Variants in NFIX observed in about 807,000 individuals in gnomAD.
NFIX encodes the protein nuclear factor 1 X-type.
In NFIX, 2 loss-of-function variants were observed where a neutral mutation model predicts 53.3. That is an observed-to-expected ratio of 0.04 (90% CI 0.02 to 0.12). The LOEUF is 0.12. Among genes scored for constraint, NFIX ranks in the 10% least tolerant of loss-of-function variants. NFIX has a pLI of 1.00. For missense variants in NFIX, 310 were observed against 674.5 expected (o/e 0.46, Z 5.99); for synonymous variants, 244 against 289.0 (o/e 0.84, Z 1.58).
chr19:13,081,312 A>G lies in NFIX; in HGVS notation c.1079-368A>G, dbSNP rs2017450037. 6.6e-6 allele frequency among the ~76,000 whole-genome samples: 1 copy of G among 152,114 alleles called. No homozygotes were observed. The highest frequency in any genetic ancestry group is 2.4e-5 in the African/African-American group (1 of 41,418). Reference sequence around the variant, plus strand: ...GAGCGAGACCCTGTCTCAAATAATAATAATAACACTTTTTTAAAAAGCCAA... The same window carrying G: ...GAGCGAGACCCTGTCTCAAATAATAGTAATAACACTTTTTTAAAAAGCCAA... On this transcript the variant is annotated intron_variant, in intron 7 of 10. Coordinates refer to ENST00000592199, the MANE Select transcript of NFIX (RefSeq NM_001365902.3). The surrounding 1 kb of genome is among the most constrained non-coding windows in gnomAD (Gnocchi z 4.7).
At chr19:13,079,239 C>T (rs1181122349) in intron 7 of NFIX, among the ~76,000 whole-genome samples, 1 of 152,152 alleles carries the variant, frequency 6.6e-6, no homozygotes, top group Admixed American at 6.5e-5. Context: ...GCTACCTTGT[C>T]TGGGCCTCCC....
chr19:13,074,217 C>T (rs1315908086), intron 5 of NFIX, among the ~76,000 whole-genome samples, 191 bp downstream of exon 5: 1 of 152,208 alleles, frequency 6.6e-6, no homozygotes, highest in African/African-American at 2.4e-5. Context: ...TTTGTGCTGT[C>T]ATGAAGGACC....
Position 13,088,455 on chromosome 19 carries a change from AGGCACAGCCATGC to A in NFIX, c.1402+320_1402+332del, listed in dbSNP as rs2017928823. On this transcript the variant is annotated intron_variant, in intron 9 of 10. Transcript: ENST00000592199. The surrounding 1 kb of genome is among the most constrained non-coding windows in gnomAD (Gnocchi z 5.9). ...CTGGCGGGGGTGGGAGGGGGCGGGGAGGCACAGCCATGCCATCTTCATGCCTGATTGCTGTTTT... is the reference window on the plus strand; with the variant it reads ...CTGGCGGGGGTGGGAGGGGGCGGGGACATCTTCATGCCTGATTGCTGTTTT... Among the ~76,000 whole-genome samples the A allele has an allele frequency of 6.8e-6, 1 of 147,036 alleles. No individual in the cohort carries two copies. Among genetic ancestry groups the A allele is most frequent in the Non-Finnish European group, 1.5e-5 (1 of 67,068 alleles).
chr19:13,042,555 G>A (rs1020382852), intron 2 of NFIX, among the ~76,000 whole-genome samples: 4 of 151,528 alleles, frequency 2.6e-5, no homozygotes, highest in African/African-American at 9.7e-5. Context: ...ACGGGATTTC[G>A]CCATGTTGGC....
chr19:13,030,214 T>C (rs1005056168), intron 2 of NFIX, among the ~76,000 whole-genome samples: 1 of 152,218 alleles, frequency 6.6e-6, no homozygotes, highest in African/African-American at 2.4e-5. Context: ...CAGATTATCT[T>C]TTAACCCAAT....
intron 1 of NFIX, among the ~76,000 whole-genome samples, chr19:12,999,420 C>G (rs560262776): frequency 1.3e-4 from 20 of 152,144 alleles, no homozygotes; most frequent in African/African-American, 4.8e-4. Flanking sequence ...GATCCACCTG[C>G]CTCGGCCTCC....
At chr19:13,015,688 C>A (rs756133650) in intron 1 of NFIX, among the ~76,000 whole-genome samples, 1 of 152,186 alleles carries the variant, frequency 6.6e-6, no homozygotes, top group African/African-American at 2.4e-5. Context: ...TTCAGCTCGG[C>A]GGGTCCTGTT....
chr19:13,022,110 G>A lies in NFIX; in HGVS notation c.28-2911G>A, dbSNP rs895185203. Among the ~76,000 whole-genome samples, 8 of 152,152 alleles carry A rather than the reference G, an allele frequency of 5.3e-5. No homozygotes were observed. The highest frequency in any genetic ancestry group is 1.9e-4 in the African/African-American group (8 of 41,432). On this transcript the variant is annotated intron_variant, in intron 1 of 10. Coordinates refer to ENST00000592199, the MANE Select transcript of NFIX (RefSeq NM_001365902.3). This position sits in a 1 kb window ranked among gnomAD's most constrained non-coding sequence, Gnocchi z 4.5. ...GTGAGGGGCGTTGGTCAGATTCCTT[G>A]CCTCTGCTCAGAGGTAGTGTCCATC...
In NFIX at chr19:13,009,560, G is replaced by A. The variant is rs1013028139; in HGVS notation, c.27+13696G>A. ...GGCTCCTCCTTCTGGCCTTCCCATG[G>A]GAATTCCCTTCCTATTCCCCAGTTC... is the stretch of plus-strand genomic sequence containing the variant. On this transcript the variant is annotated intron_variant, in intron 1 of 10. Transcript: ENST00000592199. This position sits in a 1 kb window ranked among gnomAD's most constrained non-coding sequence, Gnocchi z 4.7. 1.3e-5 allele frequency among the ~76,000 whole-genome samples: 2 copies of A among 152,186 alleles called. No homozygotes were observed. The highest frequency in any genetic ancestry group is 4.8e-5 in the African/African-American group (2 of 41,432).
At chr19:13,084,253 T>A (rs1239582487) in intron 8 of NFIX, among the ~76,000 whole-genome samples, 1 of 152,102 alleles carries the variant, frequency 6.6e-6, no homozygotes, top group Admixed American at 6.5e-5. Context: ...GAGACCAGCC[T>A]GGGCAACACG....
chr19:13,063,092 G>A (rs2016189819), intron 2 of NFIX, among the ~76,000 whole-genome samples: 1 of 152,204 alleles, frequency 6.6e-6, no homozygotes, highest in African/African-American at 2.4e-5. Flanking sequence ...AGGGGGCAGA[G>A]AGAGGTGGTG....
chr19:13,005,407 C>T lies in NFIX; in HGVS notation c.27+9543C>T, dbSNP rs1207222904. On this transcript the variant is annotated intron_variant, in intron 1 of 10. Transcript: ENST00000592199. This position sits in a 1 kb window ranked among gnomAD's most constrained non-coding sequence, Gnocchi z 4.7. ...AGGAGAGTGGGGCCTGCAGAGCCAGCTTCCTGGGTTTGACTCCTGGCTCTG... is the reference window on the plus strand; with the variant it reads ...AGGAGAGTGGGGCCTGCAGAGCCAGTTTCCTGGGTTTGACTCCTGGCTCTG... Among the ~76,000 whole-genome samples, 1 of 152,200 alleles carries T rather than the reference C, an allele frequency of 6.6e-6. No homozygotes were observed. The highest frequency in any genetic ancestry group is 1.5e-5 in the Non-Finnish European group (1 of 68,038).
At chr19:13,044,311 G>A (rs980794856) in intron 2 of NFIX, among the ~76,000 whole-genome samples, 8 of 152,222 alleles carry the variant, frequency 5.3e-5, no homozygotes, top group African/African-American at 1.2e-4. Flanking sequence ...TTGTGGCCAC[G>A]CAGTCGTGGG....
intron 2 of NFIX, among the ~76,000 whole-genome samples, chr19:13,065,915 TG>T (rs2016372966): frequency 1.3e-5 from 2 of 152,140 alleles, no homozygotes; most frequent in Admixed American, 1.3e-4. Context: ...ATTGTTTTCC[TG>T]GAGGAAAATT....
In NFIX at chr19:13,073,041, C is replaced by T. The variant is rs1008207585; in HGVS notation, c.560-6C>T. The T allele has an allele frequency of 1.9e-6, 3 of 1,613,778 alleles. No homozygotes were observed. The highest frequency in any genetic ancestry group is 2.5e-6 in the Non-Finnish European group (3 of 1,179,828). On this transcript the variant is annotated splice_region_variant and splice_polypyrimidine_tract_variant and intron_variant, in intron 2 of 10. Coordinates refer to ENST00000592199, the MANE Select transcript of NFIX (RefSeq NM_001365902.3). The surrounding 1 kb of genome is among the most constrained non-coding windows in gnomAD (Gnocchi z 4.5). The stretch of plus-strand genomic sequence containing the variant: ...GATACATTCTCCCCTTTTGTGTCTC[C>T]TGCAGAATCCGGACAATCAGATAGT...
chr19:13,077,663 T>A (rs2017190353), intron 6 of NFIX, among the ~76,000 whole-genome samples: 1 of 152,196 alleles, frequency 6.6e-6, no homozygotes, highest in African/African-American at 2.4e-5. Context: ...TGACTTGATT[T>A]GTCCTCCAAG....
Position 13,040,851 on chromosome 19 carries a change from A to G in NFIX, c.559+15299A>G, listed in dbSNP as rs1193743517. 6.6e-6 allele frequency among the ~76,000 whole-genome samples: 1 copy of G among 152,228 alleles called. No individual in the cohort carries two copies. The highest frequency in any genetic ancestry group is 1.5e-5 in the Non-Finnish European group (1 of 68,034). ...TGTACCTTTGCTTGCCTCGGATCTT[A>G]GAACTGTTTCCAGTAGTTTTTGAGT... On this transcript the variant is annotated intron_variant, in intron 2 of 10. Coordinates refer to ENST00000592199, the MANE Select transcript of NFIX (RefSeq NM_001365902.3). This position sits in a 1 kb window ranked among gnomAD's most constrained non-coding sequence, Gnocchi z 4.2.
At chr19:13,032,328 G>C (rs1410669172) in intron 2 of NFIX, among the ~76,000 whole-genome samples, 26 of 152,046 alleles carry the variant, frequency 1.7e-4, no homozygotes. Context: ...GAGGTGTAGG[G>C]GTTTAAATAT....
At chr19:13,015,672 T>C (rs1004731430) in intron 1 of NFIX, among the ~76,000 whole-genome samples, 1 of 152,180 alleles carries the variant, frequency 6.6e-6, no homozygotes, top group East Asian at 1.9e-4. Flanking sequence ...CTAAGGCTGT[T>C]TGGCTTTCAG....
Sources: allele counts gnomAD v4.1 joint callset (sites outside exome capture counted in the v4.1 genomes callset), GRCh38; gene constraint gnomAD v4.1.1; non-coding constraint Gnocchi (gnomAD v3.1); transcripts MANE v1.5; gene names NCBI Gene and HGNC (gene_info 2026-07-23, HGNC 2026-07-21).